The following VPS54 variants were observed in gnomAD, a reference collection of about 807,000 sequenced individuals.
VPS54 encodes the protein VPS54 subunit of GARP complex, also known as vacuolar protein sorting-associated protein 54.
A neutral mutation model predicts 121.5 loss-of-function variants in VPS54; 45 were observed. The observed-to-expected ratio is 0.37, with a 90% CI of 0.29 to 0.47. The LOEUF (loss-of-function observed/expected upper bound fraction) is 0.47, where lower values mean the gene tolerates loss of function less well. VPS54 is among the 20% of genes least tolerant of loss of function. VPS54 has a pLI of 0.99. For missense variants in VPS54, 1,090 were observed against 1,131.4 expected (o/e 0.96, Z 0.52); for synonymous variants, 371 against 385.8 (o/e 0.96, Z 0.45).
intron 5 of VPS54, among the ~76,000 whole-genome samples, chr2:63,967,700 CAG>C (rs901068443): frequency 3.9e-5 from 2 of 50,760 alleles, no homozygotes; most frequent in African/African-American, 1.5e-4. Flanking sequence ...GCCTGGGCGA[CAG>C]AGAGAGACTC....
chr2:63,909,709 C>T (rs1238794875), intron 20 of VPS54, among the ~76,000 whole-genome samples: 2 of 128,522 alleles, frequency 1.6e-5, no homozygotes, highest in Non-Finnish European at 3.6e-5. Flanking sequence ...TAAGCGACCT[C>T]GCCTGGCCGT....
chr2:63,907,518 C>CAAA (rs113824223), intron 20 of VPS54, among the ~76,000 whole-genome samples: 1 of 89,508 alleles, frequency 1.1e-5, no homozygotes, highest in Non-Finnish European at 2.2e-5. Context: ...AACTCCATCT[C>CAAA]AAAAAAAAAA....
chr2:63,953,353 G>A (rs1675345686), intron 7 of VPS54, among the ~76,000 whole-genome samples: 1 of 151,924 alleles, frequency 6.6e-6, no homozygotes, highest in African/African-American at 2.4e-5. Context: ...GGCTGGTTTT[G>A]AGCTCCTGAC....
intron 13 of VPS54, 105 bp from the exon 14 acceptor site, chr2:63,920,732 T>C (rs1673604796): frequency 3.1e-6 from 2 of 648,230 alleles, no homozygotes; most frequent in Non-Finnish European, 2.1e-6. Flanking sequence ...TTTATTTTAA[T>C]AATATTTCCC....
chr2:64,018,844 G>A (rs1678838983), intron 1 of VPS54, 94 bp downstream of exon 1: 1 of 151,464 alleles, frequency 6.6e-6, no homozygotes, highest in Non-Finnish European at 1.5e-5. Flanking sequence ...GGCTGGGGAG[G>A]AGAGCCGAGG....
At chr2:64,010,055 TG>T (rs1678357920) in intron 1 of VPS54, among the ~76,000 whole-genome samples, 3 of 152,056 alleles carry the variant, frequency 2.0e-5, no homozygotes, top group South Asian at 4.1e-4. Context: ...TTGGCCAGAC[TG>T]GTCTCAAACT....
rs756007187 is a variant in VPS54 at position 63,920,549 on chromosome 2, C to T, written c.1948G>A (p.Glu650Lys). ...RLMETFILDT[E>K]QICGRKSTSL... ...GTGCTTTTTCTTCCACAGATCTGTT[C>T]GGTGTCTAAAATGAATGTTTCCATT... Residue 650 changes from glutamate to lysine, a missense_variant, in exon 14 of 23, where the codon GAA (glutamate) becomes AAA (lysine). Physicochemically the swap from Glu to Lys is moderately conservative, Grantham distance 56. Coordinates refer to ENST00000272322, the MANE Select transcript of VPS54 (RefSeq NM_016516.3). 1.1e-5 allele frequency: 17 copies of T among 1,579,360 alleles called. No individual in the cohort carries two copies. The highest frequency in any genetic ancestry group is 2.3e-5 in the South Asian group (2 of 86,860).
chr2:63,896,147 C>A (rs538402672), intron 22 of VPS54, among the ~76,000 whole-genome samples: 1 of 152,278 alleles, frequency 6.6e-6, no homozygotes, highest in Admixed American at 6.5e-5. Flanking sequence ...ATATACACAG[C>A]GTCACCACAT....
intron 12 of VPS54, among the ~76,000 whole-genome samples, chr2:63,925,359 T>A (rs1039829521): frequency 6.6e-6 from 1 of 152,186 alleles, no homozygotes; most frequent in African/African-American, 2.4e-5. Flanking sequence ...ATGGCTAACA[T>A]GTAAAAGACT....
At position 63,893,162 on chromosome 2, in the gene VPS54, C is replaced by CAAATCCA; in HGVS notation, c.*267_*268insTGGATTT. ...GCTATGTGTTCTTTTGGATTTGGTC[C>CAAATCCA]AAAGAAACCTGAGTCTGTTTCCAGA... On this transcript the variant is annotated 3_prime_UTR_variant, in exon 23 of 23. Transcript: ENST00000272322. 4.0e-6 allele frequency: 2 copies of CAAATCCA among 494,678 alleles called. No individual in the cohort carries two copies. The highest frequency in any genetic ancestry group is 7.4e-6 in the Non-Finnish European group (2 of 270,504). 30.6% of individuals were successfully genotyped at this position (494,678 alleles called of 1,614,324 possible). A position where few individuals can be genotyped will look rare whatever the true frequency, so the allele number is the denominator to read the frequency against.
intron 5 of VPS54, among the ~76,000 whole-genome samples, chr2:63,968,386 G>C (rs994054360): frequency 3.4e-5 from 5 of 148,376 alleles, no homozygotes; most frequent in Non-Finnish European, 6.0e-5. Context: ...ATTTTTATTT[G>C]TCAATTAAAA....
At chr2:63,908,711 C>T (rs1673010434) in intron 20 of VPS54, among the ~76,000 whole-genome samples, 1 of 152,142 alleles carries the variant, frequency 6.6e-6, no homozygotes, top group South Asian at 2.1e-4. Context: ...AAAGCATTAG[C>T]AGTCAATATT....
chr2:63,968,211 A>G (rs896270808), intron 5 of VPS54, among the ~76,000 whole-genome samples: 3 of 152,160 alleles, frequency 2.0e-5, no homozygotes, highest in African/African-American at 7.2e-5. Flanking sequence ...TGGATTATAC[A>G]TCTCGACAAA....
At chr2:63,958,324 A>G (rs934723782) in intron 7 of VPS54, among the ~76,000 whole-genome samples, 7 of 152,192 alleles carry the variant, frequency 4.6e-5, no homozygotes, top group Admixed American at 6.5e-5. Context: ...AGGAATGAGA[A>G]AAAAGAAGAC....
At chr2:63,900,730 A>G (rs1672643849) in intron 20 of VPS54, among the ~76,000 whole-genome samples, 1 of 151,900 alleles carries the variant, frequency 6.6e-6, no homozygotes, top group African/African-American at 2.4e-5. Flanking sequence ...GGTAGAGGAC[A>G]GGCCATATCA....
intron 10 of VPS54, 28 bp downstream of exon 10, chr2:63,944,572 A>T: frequency 6.3e-7 from 1 of 1,577,416 alleles, no homozygotes; most frequent in Non-Finnish European, 8.7e-7. Flanking sequence ...TCTGACTGAT[A>T]ACCACCAACC....
chr2:63,934,626 T>C (rs187471397), intron 11 of VPS54, among the ~76,000 whole-genome samples: 1 of 152,184 alleles, frequency 6.6e-6, no homozygotes, highest in East Asian at 1.9e-4. Context: ...CTTCCCTGAA[T>C]CTCCACCCAG....
intron 1 of VPS54, among the ~76,000 whole-genome samples, chr2:63,994,385 T>C (rs1468839064): frequency 6.6e-6 from 1 of 152,206 alleles, no homozygotes; most frequent in East Asian, 1.9e-4. Flanking sequence ...ATTATTCTTA[T>C]TGGGCTTATG....
chr2:63,982,935 A>C (rs1197516260), intron 2 of VPS54, among the ~76,000 whole-genome samples: 3 of 152,180 alleles, frequency 2.0e-5, no homozygotes, highest in Non-Finnish European at 4.4e-5. Context: ...AATTACCACA[A>C]ATGTGCCGCA....
Sources: allele counts gnomAD v4.1 joint callset (sites outside exome capture counted in the v4.1 genomes callset), GRCh38; gene constraint gnomAD v4.1.1; transcripts MANE v1.5; gene names NCBI Gene and HGNC (gene_info 2026-07-23, HGNC 2026-07-21).